The following ANO1 variants were observed in gnomAD, a reference collection of about 807,000 sequenced individuals.
ANO1 encodes anoctamin 1, also known as anoctamin-1.
In ANO1, 59 loss-of-function variants were observed where a neutral mutation model predicts 124.0. The ratio of observed to expected loss-of-function variants is 0.48; its 90% confidence interval spans 0.39 to 0.59. The LOEUF (loss-of-function observed/expected upper bound fraction) is 0.59, where lower values mean the gene tolerates loss of function less well. Ranked by LOEUF, ANO1 falls within the 20% of genes least tolerant of loss-of-function variation. The pLI, the probability that ANO1 is intolerant of heterozygous loss-of-function variation, is 0.00. For synonymous variants in ANO1, 529 were observed against 532.0 expected, an observed-to-expected ratio of 0.99 and a Z score of 0.08; for missense variants, 1,059 against 1,328.0, an observed-to-expected ratio of 0.80 and a Z score of 3.15.
chr11:70,059,979 G>A (rs1232206483), intron 1 of ANO1, among the ~76,000 whole-genome samples: 10 of 94,526 alleles, frequency 1.1e-4, no homozygotes, highest in Non-Finnish European at 3.9e-5. Flanking sequence ...TTTTTTTGCT[G>A]TCCTCTTGGC....
chr11:70,154,555 C>T (rs2047732274), intron 14 of ANO1, among the ~76,000 whole-genome samples: 1 of 149,770 alleles, frequency 6.7e-6, no homozygotes, highest in South Asian at 2.1e-4. Flanking sequence ...CAAGCTCTGC[C>T]TCCCAGGTTC....
intron 2 of ANO1, among the ~76,000 whole-genome samples, chr11:70,090,361 G>T (rs180731886): frequency 6.6e-6 from 1 of 152,294 alleles, no homozygotes; most frequent in Non-Finnish European, 1.5e-5. Flanking sequence ...ACAACTTTGA[G>T]ATCTTAACGC....
chr11:70,154,460 CTTTTTTTTTTT>C (rs35077245), intron 14 of ANO1, among the ~76,000 whole-genome samples: 1 of 84,262 alleles, frequency 1.2e-5, no homozygotes, highest in African/African-American at 4.5e-5. Flanking sequence ...GGAAGTATGT[CTTTTTTTTTTT>C]TTTTTTTTTT....
rs1389020845 is a variant in ANO1 at position 70,165,562 on chromosome 11, C to T, written c.2043C>T (p.Ile681=). ...TGATCCAGAACAACCTGTTCGAGAT[C>T]GGCATCCCGTGAGTGTGCTGCAGCG... ...KQLIQNNLFE[I]GIPKMKKLIR... is the part of the protein sequence containing the mutation. The change falls in exon 20 of 26, where the codon ATC becomes ATT. Residue 681 remains isoleucine (I), a synonymous_variant. Coordinates refer to ENST00000355303, the MANE Select transcript of ANO1 (RefSeq NM_018043.7). The T allele has an allele frequency of 1.2e-6, 2 of 1,610,248 alleles. No individual in the cohort carries two copies. Among genetic ancestry groups the T allele is most frequent in the Non-Finnish European group, 1.7e-6 (2 of 1,178,290 alleles).
rs200770702 is a variant in ANO1, at chr11:70,052,531, C to CTTTTTTTTTTTTTTTTTTTTTTT, written c.59-25995_59-25973dup. On this transcript the variant is annotated intron_variant, in intron 1 of 27. Coordinates refer to the ANO1 transcript ENST00000531349. ...TTTGGGGAGAATTTCTTTTTCTTTT[C>CTTTTTTTTTTTTTTTTTTTTTTT]TTTTTTTTTTTTTTTTTTTTTTTTT... Among the ~76,000 whole-genome samples the CTTTTTTTTTTTTTTTTTTTTTTT allele has an allele frequency of 1.2e-4, 8 of 65,920 alleles. 1 individual carries two copies. Among genetic ancestry groups the CTTTTTTTTTTTTTTTTTTTTTTT allele is most frequent in the African/African-American group, 2.2e-4 (4 of 17,840 alleles). 43.2% of individuals were successfully genotyped at this position (65,920 alleles called of 152,430 possible).
rs926458440 is a variant in ANO1, at chr11:70,150,020, T to C, written c.1341+228T>C. 3 of 644,258 alleles carry C rather than the reference T, an allele frequency of 4.7e-6. No homozygotes were observed. The African/African-American group carries it at 5.3e-5, about 11-fold the overall frequency. 39.9% of individuals were successfully genotyped at this position (644,258 alleles called of 1,614,324 possible). ...ACCACTCCCTGTCTGCTGAAGTGTT[T>C]TCATCCCCATGCTCACATGGACACC... On this transcript the variant is annotated intron_variant, in intron 12 of 25. Transcript: ENST00000355303.
At chr11:69,976,507 TAAAAAAAAAA>T in the ANO1 span, among the ~76,000 whole-genome samples, 1 of 74,500 alleles carries the variant, frequency 1.3e-5, no homozygotes, top group African/African-American at 6.7e-5. Context: ...ACTCCGTCTC[TAAAAAAAAAA>T]AAAAAAAAAA....
At chr11:70,145,220 G>A (rs938103110) in intron 11 of ANO1, among the ~76,000 whole-genome samples, 56 of 152,136 alleles carry the variant, frequency 3.7e-4, no homozygotes, top group Admixed American at 6.5e-4. Context: ...GCCACCAGGC[G>A]CAGCACGAGC....
rs189091389 is a variant in ANO1, at chr11:70,174,581, A to G, written c.2350+3542A>G. On this transcript the variant is annotated intron_variant, in intron 22 of 25. Transcript: ENST00000355303. Reference sequence around the variant, plus strand: ...CATCACAGAGCTGCCTCCAACATGAACTTTCCTCAGAACCTCAGCCTGTTG... The same window carrying G: ...CATCACAGAGCTGCCTCCAACATGAGCTTTCCTCAGAACCTCAGCCTGTTG... Among the ~76,000 whole-genome samples, 675 of 152,082 alleles carry G rather than the reference A, an allele frequency of 4.4e-3. 2 individuals carry two copies. The highest frequency in any genetic ancestry group is 0.015 in the African/African-American group (638 of 41,478).
chr11:70,130,459 G>A (rs981432279), intron 10 of ANO1, among the ~76,000 whole-genome samples: 6 of 152,168 alleles, frequency 3.9e-5, no homozygotes, highest in East Asian at 1.9e-4. Context: ...ACTCTGCTGC[G>A]TGGCCCTGAA....
At chr11:70,156,345 T>C (rs1219383724) in intron 15 of ANO1, among the ~76,000 whole-genome samples, 1 of 152,176 alleles carries the variant, frequency 6.6e-6, no homozygotes, top group East Asian at 1.9e-4. Flanking sequence ...ACCTAATACA[T>C]GCATTTTCCC....
intron 11 of ANO1, among the ~76,000 whole-genome samples, chr11:70,142,118 C>A (rs2047177465): frequency 6.6e-6 from 1 of 152,210 alleles, no homozygotes. Flanking sequence ...CAGCCTTGAG[C>A]CCTATTTAGC....
At chr11:70,060,498 A>C (rs1416561393) in intron 1 of ANO1, among the ~76,000 whole-genome samples, 2 of 152,218 alleles carry the variant, frequency 1.3e-5, no homozygotes, top group Non-Finnish European at 2.9e-5. Context: ...TTGGGTGCTA[A>C]GTGAGAAACT....
At chr11:70,063,614 G>A (rs142882210) in intron 1 of ANO1, 25 of 152,276 alleles carry the variant, frequency 1.6e-4, no homozygotes, top group African/African-American at 5.1e-4. Flanking sequence ...TGAAGATGGG[G>A]ATTCCTAATC....
At chr11:70,170,738 A>C in intron 21 of ANO1, 149 bp from the exon 22 acceptor site, 1 of 933,230 alleles carries the variant, frequency 1.1e-6, no homozygotes, top group Non-Finnish European at 1.6e-6. Flanking sequence ...GAGCTCATCT[A>C]ATGCATCTGC....
rs112442639 is a variant in ANO1, at chr11:70,031,913, G to A, written c.58+45747G>A. ...AGCACCTTGAACTCCCGGGGCCCAG[G>A]GAATCTGTGTGGCACCGGTCCCCTC... is the stretch of plus-strand genomic sequence containing the variant. On this transcript the variant is annotated intron_variant, in intron 1 of 27. Coordinates refer to the ANO1 transcript ENST00000531349. Among the ~76,000 whole-genome samples the A allele has an allele frequency of 0.014, 2,172 of 152,228 alleles. 109 individuals are homozygous for A. In the East Asian group the frequency reaches 0.16, roughly 11 times the overall value.
rs187606639 is a variant in ANO1 at position 70,157,059 on chromosome 11, G to A, written c.1578+38G>A. ...AGGTTAAGGCCAGACGAAGTCAGGG[G>A]AAACCGCAAGGAAGTGATTGGCTTC... On this transcript the variant is annotated intron_variant, in intron 16 of 25. Coordinates refer to ENST00000355303, the MANE Select transcript of ANO1 (RefSeq NM_018043.7). 149 of 1,576,584 alleles carry A rather than the reference G, an allele frequency of 9.5e-5. No individual in the cohort carries two copies. The African/African-American group carries it at 1.7e-3, about 18-fold the overall frequency.
At chr11:70,072,251 G>A (rs112532374) in intron 1 of ANO1, among the ~76,000 whole-genome samples, 8 of 152,252 alleles carry the variant, frequency 5.3e-5, no homozygotes, top group South Asian at 2.1e-4. Context: ...GGCCCGGAGT[G>A]TACAGCCAAT....
upstream of ANO1, among the ~76,000 whole-genome samples, chr11:69,985,261 C>T (rs781888002): frequency 1.3e-5 from 2 of 151,802 alleles, no homozygotes; most frequent in Non-Finnish European, 2.9e-5. Flanking sequence ...ACAGGACATT[C>T]CCCCACTTTG....
Sources: allele counts gnomAD v4.1 joint callset (sites outside exome capture counted in the v4.1 genomes callset), GRCh38; gene constraint gnomAD v4.1.1; transcripts MANE v1.5; gene names NCBI Gene and HGNC (gene_info 2026-07-23, HGNC 2026-07-21).